The following TMEM132D variants were observed in gnomAD, a reference collection of about 807,000 sequenced individuals.
TMEM132D encodes transmembrane protein 132D.
Under a neutral mutation model 62.3 loss-of-function variants are expected in TMEM132D, and 21 were observed. That is an observed-to-expected ratio of 0.34 (90% confidence interval 0.24 to 0.49). The LOEUF is 0.49. Among genes scored for constraint, TMEM132D ranks in the 20% least tolerant of loss-of-function variants. The pLI, the probability that TMEM132D is intolerant of heterozygous loss-of-function variation, is 0.99. For synonymous variants in TMEM132D, 621 were observed against 575.6 expected, an observed-to-expected ratio of 1.08 and a Z score of -1.13; for missense variants, 1,346 against 1,402.8, an observed-to-expected ratio of 0.96 and a Z score of 0.65.
chr12:129,394,847 C>T (rs548708996), intron 3 of TMEM132D, among the ~76,000 whole-genome samples: 48 of 152,286 alleles, frequency 3.2e-4, no homozygotes, highest in African/African-American at 1.2e-3. Context: ...AGATGGGCTG[C>T]AAAAGCTCAC....
chr12:129,378,502 C>A (rs1870847484), intron 3 of TMEM132D, among the ~76,000 whole-genome samples: 1 of 152,146 alleles, frequency 6.6e-6, no homozygotes, highest in African/African-American at 2.4e-5. Context: ...TTAGGGGGAA[C>A]CTGAGATGAA....
intron 4 of TMEM132D, among the ~76,000 whole-genome samples, chr12:129,299,830 C>A (rs1881666347): frequency 6.6e-6 from 1 of 152,108 alleles, no homozygotes; most frequent in African/African-American, 2.4e-5. Flanking sequence ...ACCTTTTGTG[C>A]CGTAAAGTTA....
chr12:129,888,561 G>A, intron 1 of TMEM132D, among the ~76,000 whole-genome samples: 1 of 152,048 alleles, frequency 6.6e-6, no homozygotes, highest in African/African-American at 2.4e-5. Context: ...AAAATTAGCT[G>A]GGCATGGTAG....
chr12:129,513,860 CG>C (rs1225080531), intron 3 of TMEM132D, among the ~76,000 whole-genome samples: 6 of 138,012 alleles, frequency 4.3e-5, no homozygotes, highest in African/African-American at 1.3e-4. Context: ...TTTTTTGAGA[CG>C]GAGTCTCGCT....
chr12:129,713,041 C>T (rs1454086192), intron 1 of TMEM132D, among the ~76,000 whole-genome samples: 1 of 152,152 alleles, frequency 6.6e-6, no homozygotes, highest in South Asian at 2.1e-4. Context: ...GAGCCTAACC[C>T]TGACTTTAAG....
At chr12:129,378,547 G>A (rs1007828767) in intron 3 of TMEM132D, among the ~76,000 whole-genome samples, 2 of 152,192 alleles carry the variant, frequency 1.3e-5, no homozygotes, top group African/African-American at 4.8e-5. Flanking sequence ...GAGAGCTTTG[G>A]TTGAAACAGA....
intron 3 of TMEM132D, among the ~76,000 whole-genome samples, chr12:129,518,557 GTA>G (rs1159217185): frequency 2.1e-3 from 142 of 67,724 alleles, no homozygotes; most frequent in African/African-American, 4.0e-3. Context: ...GTGTGTGTGT[GTA>G]TATATATACA....
Position 129,654,297 on chromosome 12 carries a change from A to T in TMEM132D, c.968+45513T>A, listed in dbSNP as rs58869568. On this transcript the variant is annotated intron_variant, in intron 2 of 8. Transcript: ENST00000422113. ...ACTCTCTCGTGTGTGTGTGTGTGTG[A>T]GTGTGTGTGTGTGTGTGTGTGTTCT... Among the ~76,000 whole-genome samples, 281 of 148,394 alleles carry T rather than the reference A, an allele frequency of 1.9e-3. 3 individuals are homozygous for T. The highest frequency in any genetic ancestry group is 1.7e-3 in the Non-Finnish European group (115 of 67,058).
chr12:129,148,337 C>A (rs1240669798), intron 5 of TMEM132D, among the ~76,000 whole-genome samples: 1 of 152,110 alleles, frequency 6.6e-6, no homozygotes, highest in African/African-American at 2.4e-5. Context: ...GCAGAGGGGA[C>A]TCTGTAGATG....
chr12:129,230,292 C>G lies in TMEM132D; in HGVS notation c.1300-20629G>C, dbSNP rs186619126. 7.3e-3 allele frequency among the ~76,000 whole-genome samples: 1,095 copies of G among 149,144 alleles called. 11 individuals carry two copies. The highest frequency in any genetic ancestry group is 0.025 in the African/African-American group (1,006 of 40,382). ...CCAGCCTAGCCATCCCCTTCCTAAACTCCTTCTGTGTTGGAGGGGGGGGGC... is the reference window on the plus strand; with the variant it reads ...CCAGCCTAGCCATCCCCTTCCTAAAGTCCTTCTGTGTTGGAGGGGGGGGGC... On this transcript the variant is annotated intron_variant, in intron 4 of 8. Coordinates refer to ENST00000422113, the MANE Select transcript of TMEM132D (RefSeq NM_133448.3).
At chr12:129,829,231 A>C (rs530704592) in intron 1 of TMEM132D, among the ~76,000 whole-genome samples, 4 of 152,272 alleles carry the variant, frequency 2.6e-5, no homozygotes, top group Non-Finnish European at 5.9e-5. Flanking sequence ...GAAAACCAGA[A>C]TCATGGTTAG....
At chr12:129,859,089 A>C (rs1873801909) in intron 1 of TMEM132D, among the ~76,000 whole-genome samples, 1 of 150,460 alleles carries the variant, frequency 6.6e-6, no homozygotes, top group Non-Finnish European at 1.5e-5. Flanking sequence ...GGGTGCCCTT[A>C]CAAAAGAGTC....
chr12:129,733,089 G>T (rs976890999), intron 1 of TMEM132D, among the ~76,000 whole-genome samples: 1 of 152,112 alleles, frequency 6.6e-6, no homozygotes, highest in Non-Finnish European at 1.5e-5. Context: ...ATAACATTTT[G>T]ATCATAGGGA....
chr12:129,455,446 A>T (rs1471217048), intron 3 of TMEM132D, among the ~76,000 whole-genome samples: 7 of 152,236 alleles, frequency 4.6e-5, no homozygotes, highest in African/African-American at 1.7e-4. Context: ...TTACTCTTTT[A>T]AAAAACACAG....
At chr12:129,720,084 A>C (rs1868764496) in intron 1 of TMEM132D, among the ~76,000 whole-genome samples, 1 of 152,206 alleles carries the variant, frequency 6.6e-6, no homozygotes, top group African/African-American at 2.4e-5. Flanking sequence ...CATGTCAGAC[A>C]CACAACACAC....
intron 2 of TMEM132D, among the ~76,000 whole-genome samples, chr12:129,571,908 A>G (rs1877524404): frequency 6.6e-6 from 1 of 152,206 alleles, no homozygotes; most frequent in Non-Finnish European, 1.5e-5. Context: ...TTTAGACAGC[A>G]CAATCCCAGA....
chr12:129,863,795 G>C (rs546408912), intron 1 of TMEM132D, among the ~76,000 whole-genome samples: 13 of 152,102 alleles, frequency 8.5e-5, no homozygotes, highest in Admixed American at 5.2e-4. Flanking sequence ...GTTTTTTTGG[G>C]GGGGGCAGGG....
At chr12:129,703,340 G>A (rs1440962572) in intron 1 of TMEM132D, among the ~76,000 whole-genome samples, 1 of 152,162 alleles carries the variant, frequency 6.6e-6, no homozygotes, top group Non-Finnish European at 1.5e-5. Context: ...AACATCATTT[G>A]AAGGGAAGTA....
At chr12:129,633,857 T>C (rs552418916) in intron 2 of TMEM132D, among the ~76,000 whole-genome samples, 1 of 152,220 alleles carries the variant, frequency 6.6e-6, no homozygotes, top group African/African-American at 2.4e-5. Flanking sequence ...AGCCTTTTGC[T>C]CCTGAAACTT....
Sources: gnomAD v4.1 joint callset for allele counts (sites outside exome capture counted in the v4.1 genomes callset) on GRCh38, gnomAD v4.1.1 for gene constraint, MANE v1.5 for transcripts, NCBI Gene and HGNC (gene_info 2026-07-23, HGNC 2026-07-21) for gene names.